OTOGL: variants seen among roughly 807,000 people sequenced by gnomAD.
OTOGL encodes otogelin like, also known as otogelin-like protein.
In OTOGL, 285 loss-of-function variants were observed where a neutral mutation model predicts 318.5. The observed-to-expected ratio is 0.89, with a 90% CI of 0.81 to 0.99. OTOGL has a LOEUF of 0.99. Ranked by LOEUF, OTOGL falls within the 50% of genes least tolerant of loss-of-function variation. OTOGL has a pLI of 0.00. For missense variants in OTOGL, 2,899 were observed against 2,845.6 expected (o/e 1.02, Z -0.43); for synonymous variants, 987 against 936.5 (o/e 1.05, Z -0.99).
chr12:80,307,734 CG>C (rs1243633737), intron 29 of OTOGL, among the ~76,000 whole-genome samples: 1 of 137,978 alleles, frequency 7.2e-6, no homozygotes, highest in South Asian at 2.4e-4. Context: ...GCTGGCCGAG[CG>C]GGGGGCAGAC....
At chr12:80,200,407 T>A (rs1368178781) in intron 1 of OTOGL, among the ~76,000 whole-genome samples, 1 of 152,242 alleles carries the variant, frequency 6.6e-6, no homozygotes, top group African/African-American at 2.4e-5. Flanking sequence ...TGTGATTTTG[T>A]CCATTGCTTT....
At chr12:80,176,686 T>C (rs532839885) in intron 1 of OTOGL, among the ~76,000 whole-genome samples, 123 of 152,288 alleles carry the variant, frequency 8.1e-4, no homozygotes, top group African/African-American at 2.9e-3. Context: ...GCTATTACAG[T>C]AAATTTCTGT....
chr12:80,367,140 CTT>C (rs34564981), intron 53 of OTOGL, among the ~76,000 whole-genome samples: 92,385 of 131,094 alleles, frequency 0.7, 33,442 homozygotes, highest in Non-Finnish European at 0.82. Context: ...CCATACCCAG[CTT>C]TTTTTTTTTT....
chr12:80,272,677 C>T (rs763071712), intron 24 of OTOGL, among the ~76,000 whole-genome samples: 25 of 151,988 alleles, frequency 1.6e-4, no homozygotes, highest in Non-Finnish European at 2.9e-4. Context: ...CTCATATAAA[C>T]CAGGGGCAAA....
Position 80,296,706 on chromosome 12 carries a change from GTAAGT to G in OTOGL, c.2929-119_2929-115del, listed in dbSNP as rs67287510. The G allele has an allele frequency of 0.78, 564,153 of 724,764 alleles. 222,716 individuals are homozygous for G. The highest frequency in any genetic ancestry group is 0.95 in the East Asian group (29,423 of 30,992). 44.9% of individuals were successfully genotyped at this position (724,764 alleles called of 1,614,324 possible). On this transcript the variant is annotated intron_variant, in intron 26 of 58. Coordinates refer to ENST00000547103, the MANE Select transcript of OTOGL (RefSeq NM_001378609.3). ...TTAAAAATGACTTTTTATTTTAGAG[GTAAGT>G]TGTTTTTCAGTTCTAATGCAATCCA...
chr12:80,339,066 T>C lies in OTOGL; in HGVS notation c.4861-9T>C. ...ATATTTCTTAACAGGTGTATTTATG[T>C]TATTCTAGGTAGAAGTGGATTCCAT... On this transcript the variant is annotated splice_polypyrimidine_tract_variant and intron_variant, in intron 42 of 58. Coordinates refer to ENST00000547103, the MANE Select transcript of OTOGL (RefSeq NM_001378609.3). 6.3e-7 allele frequency: 1 copy of C among 1,581,292 alleles called. No homozygotes were observed. Among genetic ancestry groups the C allele is most frequent in the Non-Finnish European group, 8.7e-7 (1 of 1,154,722 alleles).
chr12:80,124,984 A>G (rs1376897075), intron 1 of OTOGL, among the ~76,000 whole-genome samples: 2 of 152,324 alleles, frequency 1.3e-5, no homozygotes, highest in South Asian at 2.1e-4. Flanking sequence ...TCATCTGCAA[A>G]CAGGGACAAT....
At chr12:80,130,255 GAT>G (rs1871156311) in intron 1 of OTOGL, among the ~76,000 whole-genome samples, 1 of 152,134 alleles carries the variant, frequency 6.6e-6, no homozygotes, top group Non-Finnish European at 1.5e-5. Flanking sequence ...CATCTCTTCT[GAT>G]AATATATTTC....
intron 1 of OTOGL, among the ~76,000 whole-genome samples, chr12:80,122,254 A>G (rs1168562480): frequency 6.6e-6 from 1 of 151,576 alleles, no homozygotes; most frequent in African/African-American, 2.4e-5. Flanking sequence ...ATGTATAAGC[A>G]AAAAAAGAAA....
chr12:80,359,060 G>A (rs573788910), intron 52 of OTOGL, among the ~76,000 whole-genome samples, 160 bp downstream of exon 52: 1 of 152,232 alleles, frequency 6.6e-6, no homozygotes, highest in African/African-American at 2.4e-5. Flanking sequence ...TTAGGAAATA[G>A]TCAATAAGTT....
chr12:80,333,763 A>G (rs1441229028), intron 38 of OTOGL, among the ~76,000 whole-genome samples: 1 of 152,146 alleles, frequency 6.6e-6, no homozygotes, highest in African/African-American at 2.4e-5. Context: ...ATCTTCACTG[A>G]TAAGGCAACC....
chr12:80,143,205 G>A (rs1872069134), intron 1 of OTOGL, among the ~76,000 whole-genome samples: 1 of 152,128 alleles, frequency 6.6e-6, no homozygotes, highest in South Asian at 2.1e-4. Flanking sequence ...ATAATAGGGT[G>A]CTACCCCATA....
In OTOGL at chr12:80,238,972, A is replaced by T; in HGVS notation, c.939A>T (p.Ala313=). 1 of 1,596,348 alleles carries T rather than the reference A, an allele frequency of 6.3e-7. No homozygotes were observed. Among genetic ancestry groups the T allele is most frequent in the Non-Finnish European group, 8.5e-7 (1 of 1,178,668 alleles). The change falls in exon 10 of 59, where the codon GCA becomes GCT. Residue 313 remains alanine (A), a synonymous_variant. Transcript: ENST00000547103. ...FPNPCSSGMP[A]FEAIFFKCQI... The stretch of plus-strand genomic sequence containing the variant: ...ATCCGTGCTCCAGTGGAATGCCAGC[A>T]TTTGAGGTAAATTTGATGTGAGAAA...
chr12:80,366,546 A>G, intron 52 of OTOGL, 28 bp from the exon 53 acceptor site: 1 of 631,726 alleles, frequency 1.6e-6, no homozygotes, highest in Non-Finnish European at 2.2e-6. Flanking sequence ...AAGCTAAATG[A>G]TAAGTAATAG....
chr12:80,112,709 C>CTT (rs144605517), intron 1 of OTOGL, among the ~76,000 whole-genome samples: 27 of 140,242 alleles, frequency 1.9e-4, no homozygotes, highest in African/African-American at 6.2e-4. Flanking sequence ...AATTTTCTTT[C>CTT]TTTTTTTTTT....
At position 80,336,956 on chromosome 12, in the gene OTOGL, T is replaced by A. The variant is rs566307915; in HGVS notation, c.4812T>A (p.Asn1604Lys). ...RISGLCFKKL[N>K]VTTPIHKIIV... ...CTGGACTTTGTTTTAAGAAGTTAAATGTGACAACACCCATACATAAAATAA... is the reference window on the plus strand; with the variant it reads ...CTGGACTTTGTTTTAAGAAGTTAAAAGTGACAACACCCATACATAAAATAA... Residue 1604 changes from asparagine (N) to lysine (K), a missense_variant, in exon 42 of 59, where the codon AAT becomes AAA. Coordinates refer to ENST00000547103, the MANE Select transcript of OTOGL (RefSeq NM_001378609.3). 6 of 1,595,980 alleles carry A rather than the reference T, an allele frequency of 3.8e-6. No individual in the cohort carries two copies. In the African/African-American group the frequency reaches 6.7e-5, roughly 18 times the overall value.
At position 80,336,108 on chromosome 12, in the gene OTOGL, G is replaced by A. The variant is rs200404819; in HGVS notation, c.4568G>A (p.Ser1523Asn). 237 of 1,598,270 alleles carry A rather than the reference G, an allele frequency of 1.5e-4. No homozygotes were observed. The highest frequency in any genetic ancestry group is 1.6e-4 in the Non-Finnish European group (194 of 1,179,216). The stretch of plus-strand genomic sequence containing the variant: ...CGAGGAAGGCCAGTTCAAGTGAACA[G>A]TGATATCTGCTGCCCTGAGTGGGAA... ...GFRGRPVQVN[S>N]DICCPEWECP... The change falls in exon 39 of 59, where the codon AGT becomes AAT. Residue 1523 changes from serine to asparagine, a missense_variant. Physicochemically the swap from Ser to Asn is conservative, Grantham distance 46. This residue lies in a region of OTOGL where 2,607 missense variants were observed against 2,524.9 expected (regional missense o/e 1.03). Coordinates refer to ENST00000547103, the MANE Select transcript of OTOGL (RefSeq NM_001378609.3).
chr12:80,138,989 G>C (rs1190632992), intron 1 of OTOGL, among the ~76,000 whole-genome samples: 2 of 152,124 alleles, frequency 1.3e-5, no homozygotes, highest in African/African-American at 4.8e-5. Flanking sequence ...CTTTTGTACT[G>C]CAGAGATTGG....
In OTOGL at chr12:80,313,549, G is replaced by A. The variant is rs1165938118; in HGVS notation, c.3524G>A (p.Cys1175Tyr). ...TGCAATCTTGGTGGCGACTGTGAGT[G>A]TTTGTGCACTAGTATAGCTGCATAT... is the stretch of plus-strand genomic sequence containing the variant. ...CNCNLGGDCE[C>Y]LCTSIAAYAY... Residue 1175 changes from cysteine (C) to tyrosine (Y), a missense_variant, in exon 31 of 59, where the codon TGT becomes TAT. By Grantham distance (194) the Cys-to-Tyr change is radical (BLOSUM62 -2). This residue lies in a region of OTOGL where 2,607 missense variants were observed against 2,524.9 expected (regional missense o/e 1.03). Transcript: ENST00000547103. 2 of 1,612,294 alleles carry A rather than the reference G, an allele frequency of 1.2e-6. No individual in the cohort carries two copies. The highest frequency in any genetic ancestry group is 1.7e-6 in the Non-Finnish European group (2 of 1,178,682).
Sources: allele counts gnomAD v4.1 joint callset (sites outside exome capture counted in the v4.1 genomes callset), GRCh38; gene constraint gnomAD v4.1.1; regional missense constraint gnomAD v4.1.1; transcripts MANE v1.5; gene names NCBI Gene and HGNC (gene_info 2026-07-23, HGNC 2026-07-21).